CDH4: variants seen among roughly 807,000 people sequenced by gnomAD.
CDH4 encodes the protein cadherin 4.
CDH4 carries 33 observed loss-of-function variants against 86.0 expected under a neutral mutation model. That is an observed-to-expected ratio of 0.38 (90% confidence interval 0.29 to 0.51). The LOEUF is 0.51. CDH4 is among the 20% of genes least tolerant of loss of function. CDH4 has a pLI of 0.86. For missense variants in CDH4, 1,114 were observed against 1,307.4 expected, an observed-to-expected ratio of 0.85 and a Z score of 2.28; for synonymous variants, 555 against 549.4, an observed-to-expected ratio of 1.01 and a Z score of -0.14.
chr20:61,579,812 TG>T (rs2086411999), intron 2 of CDH4, among the ~76,000 whole-genome samples: 1 of 152,136 alleles, frequency 6.6e-6, no homozygotes, highest in Non-Finnish European at 1.5e-5. Context: ...AAAATTGAAG[TG>T]TAAGGCTGAG....
intron 2 of CDH4, among the ~76,000 whole-genome samples, chr20:61,444,595 G>GTATA (rs2085336077): frequency 8.7e-6 from 1 of 115,254 alleles, no homozygotes; most frequent in African/African-American, 3.3e-5. Context: ...ATATCTGTGT[G>GTATA]TATATGTATG....
At chr20:61,671,794 G>A (rs989288083) in intron 2 of CDH4, among the ~76,000 whole-genome samples, 4 of 151,252 alleles carry the variant, frequency 2.6e-5, no homozygotes, top group Admixed American at 2.6e-4. Flanking sequence ...TGGATCGATG[G>A]ATAGATGATG....
intron 2 of CDH4, among the ~76,000 whole-genome samples, chr20:61,547,198 CTTT>C (rs779375514): frequency 2.1e-5 from 2 of 93,608 alleles, no homozygotes; most frequent in African/African-American, 9.5e-5. Flanking sequence ...CCCCAGAGCT[CTTT>C]TTTTTTTTTT....
chr20:61,836,786 A>G (rs547759165), intron 4 of CDH4, among the ~76,000 whole-genome samples: 1 of 152,348 alleles, frequency 6.6e-6, no homozygotes, highest in East Asian at 1.9e-4. Context: ...GGGCTTTGGA[A>G]TTACACTTTG....
intron 2 of CDH4, among the ~76,000 whole-genome samples, chr20:61,303,215 A>C (rs1162435513): frequency 6.6e-6 from 1 of 152,112 alleles, no homozygotes; most frequent in African/African-American, 2.4e-5. Flanking sequence ...AAGAGTGGAG[A>C]GTGGTACCCA....
chr20:61,877,530 T>C (rs1252385406), intron 7 of CDH4, among the ~76,000 whole-genome samples: 1 of 152,092 alleles, frequency 6.6e-6, no homozygotes, highest in Non-Finnish European at 1.5e-5. Flanking sequence ...TTCTCCGCTG[T>C]GTGTGCCTGG....
intron 2 of CDH4, among the ~76,000 whole-genome samples, chr20:61,534,145 A>G (rs1282764012): frequency 6.6e-6 from 1 of 152,230 alleles, no homozygotes; most frequent in Non-Finnish European, 1.5e-5. Context: ...ATCCAGCTGG[A>G]AATATTGATT....
chr20:61,585,033 C>T (rs897509499), intron 2 of CDH4, among the ~76,000 whole-genome samples: 8 of 152,244 alleles, frequency 5.3e-5, no homozygotes, highest in East Asian at 1.9e-4. Flanking sequence ...TCTGAGAGCT[C>T]GCCAGGCCTG....
Position 61,325,865 on chromosome 20 carries a change from T to C in CDH4, c.169+70928T>C, listed in dbSNP as rs893087464. ...AAAACCCAACACCATGTGTGCTTCT[T>C]GCCACGGGTGCCGACGCAAGTGGGT... On this transcript the variant is annotated intron_variant, in intron 2 of 15. Coordinates refer to ENST00000614565, the MANE Select transcript of CDH4 (RefSeq NM_001794.5). 5.9e-5 allele frequency among the ~76,000 whole-genome samples: 9 copies of C among 152,326 alleles called. No individual in the cohort carries two copies. The South Asian group carries it at 1.9e-3, about 32-fold the overall frequency.
chr20:61,861,575 AAACCCAACCACAGAG>A lies in CDH4; in HGVS notation c.877+8692_877+8706del, dbSNP rs141040334. Among the ~76,000 whole-genome samples, 10 of 149,430 alleles carry A rather than the reference AAACCCAACCACAGAG, an allele frequency of 6.7e-5. No homozygotes were observed. In the South Asian group the frequency reaches 2.1e-3, roughly 31 times the overall value. On this transcript the variant is annotated intron_variant, in intron 6 of 15. Coordinates refer to ENST00000614565, the MANE Select transcript of CDH4 (RefSeq NM_001794.5). ...AATGCCTTTGGCTGAAAGTCACAGA[AAACCCAACCACAGAG>A]AACCCAACCACAGAAAACCCAACCA...
intron 2 of CDH4, among the ~76,000 whole-genome samples, chr20:61,320,437 T>C (rs1468464984): frequency 6.6e-6 from 1 of 151,022 alleles, no homozygotes; most frequent in African/African-American, 2.4e-5. Context: ...GAGACTGGAG[T>C]GTCGGTGGGG....
intron 6 of CDH4, among the ~76,000 whole-genome samples, chr20:61,866,332 T>C (rs1432067046): frequency 6.6e-6 from 1 of 152,200 alleles, no homozygotes; most frequent in Admixed American, 6.5e-5. Context: ...GATTTTTTCC[T>C]TAGGATAAAC....
intron 2 of CDH4, among the ~76,000 whole-genome samples, chr20:61,702,910 C>A (rs955462891): frequency 6.6e-6 from 1 of 152,198 alleles, no homozygotes; most frequent in Admixed American, 6.5e-5. Context: ...TGTGACAACC[C>A]GCTTTTTACG....
rs62199122 is a variant in CDH4, at chr20:61,417,918, C to T, written c.169+162981C>T. Among the ~76,000 whole-genome samples, 1 of 152,084 alleles carries T rather than the reference C, an allele frequency of 6.6e-6. No homozygotes were observed. Among genetic ancestry groups the T allele is most frequent in the Non-Finnish European group, 1.5e-5 (1 of 68,022 alleles). Reference sequence around the variant, plus strand: ...GAGGCCCACTTGGAAGAGATGGAGCCTCCCATCCCTTGAGTTTTCTGAGGG... The same window carrying T: ...GAGGCCCACTTGGAAGAGATGGAGCTTCCCATCCCTTGAGTTTTCTGAGGG... On this transcript the variant is annotated intron_variant, in intron 2 of 15. Transcript: ENST00000614565. This position sits in a 1 kb window ranked among gnomAD's most constrained non-coding sequence, Gnocchi z 4.0.
At chr20:61,472,707 A>G (rs879320011) in intron 2 of CDH4, among the ~76,000 whole-genome samples, 1 of 152,186 alleles carries the variant, frequency 6.6e-6, no homozygotes, top group African/African-American at 2.4e-5. Flanking sequence ...GATTTTTGCC[A>G]CTTCTTGGGA....
chr20:61,769,023 G>A (rs567501582), intron 3 of CDH4, among the ~76,000 whole-genome samples: 8 of 152,282 alleles, frequency 5.3e-5, no homozygotes, highest in African/African-American at 1.7e-4. Flanking sequence ...CTCTGCCTCC[G>A]TCTCCCGCTG....
At chr20:61,779,711 AGGGCACATGGCTGCCCTGCAC>A (rs1276740608) in intron 4 of CDH4, among the ~76,000 whole-genome samples, 1 of 152,184 alleles carries the variant, frequency 6.6e-6, no homozygotes, top group Non-Finnish European at 1.5e-5. Flanking sequence ...TGGAGGTGAA[AGGGCACATGGCTGCCCTGCAC>A]GGGCTCTGGA....
At chr20:61,654,897 C>T (rs1316886858) in intron 2 of CDH4, among the ~76,000 whole-genome samples, 2 of 62,110 alleles carry the variant, frequency 3.2e-5, no homozygotes, top group East Asian at 6.0e-4. Flanking sequence ...GACCCAGCCC[C>T]GCTCTGGACA....
In CDH4 at chr20:61,743,567, G is replaced by C. The variant is rs890505411; in HGVS notation, c.174G>C (p.Lys58Asn). Residue 58 changes from lysine to asparagine, a missense_variant, in exon 3 of 16, where the codon AAG (lysine) becomes AAC (asparagine). Transcript: ENST00000614565. ...ILEGEKLLQVKFSSCVGTKGT... is the reference protein window; with the variant it reads ...ILEGEKLLQVNFSSCVGTKGT... The stretch of plus-strand genomic sequence containing the variant: ...TCTCTCCCCCTCCTCTTGCAGTCAA[G>C]TTCAGCAGCTGTGTGGGGACCAAGG... 6 of 1,560,326 alleles carry C rather than the reference G, an allele frequency of 3.8e-6. No individual in the cohort carries two copies. In the Admixed American group the frequency reaches 5.8e-5, roughly 15 times the overall value.
Sources: gnomAD v4.1 joint callset for allele counts (sites outside exome capture counted in the v4.1 genomes callset) on GRCh38, gnomAD v4.1.1 for gene constraint, Gnocchi (gnomAD v3.1) non-coding constraint, MANE v1.5 for transcripts, NCBI Gene and HGNC (gene_info 2026-07-23, HGNC 2026-07-21) for gene names.